MACF1: variants seen among roughly 807,000 people sequenced by gnomAD.
MACF1 encodes the protein microtubule actin crosslinking factor 1.
In MACF1, 193 loss-of-function variants were observed where a neutral mutation model predicts 854.8. That is an observed-to-expected ratio of 0.23 (90% CI 0.20 to 0.25). MACF1 has a LOEUF of 0.25. Among genes scored for constraint, MACF1 ranks in the 10% least tolerant of loss-of-function variants. The probability of loss-of-function intolerance (pLI) is 1.00; values close to 1 mark genes in which losing one functional copy is unlikely to be tolerated. For synonymous variants in MACF1, 3,185 were observed against 3,226.7 expected, an observed-to-expected ratio of 0.99 and a Z score of 0.44; for missense variants, 7,722 against 8,929.1, an observed-to-expected ratio of 0.86 and a Z score of 5.45.
chr1:39,440,908 A>G, intron 72 of MACF1, 95 bp from the exon 73 acceptor site: 2 of 1,223,310 alleles, frequency 1.6e-6, no homozygotes, highest in Admixed American at 1.8e-5. Flanking sequence ...TATGTTGAGC[A>G]TCTGCTATTG....
chr1:39,411,128 C>T lies in MACF1; in HGVS notation c.15817-11246C>T, dbSNP rs766596072. 46 of 1,613,500 alleles carry T rather than the reference C, an allele frequency of 2.9e-5. 1 individual carries two copies. The South Asian group carries it at 4.8e-4, about 17-fold the overall frequency. On this transcript the variant is annotated intron_variant, in intron 58 of 100. Coordinates refer to ENST00000564288, the MANE Select transcript of MACF1 (RefSeq NM_001394062.1). ...GACACAGCCTGCACTGTGGAAATGC[C>T]ACCTCTCTCCCCTTGCCTGAGTGAA...
intron 52 of MACF1, among the ~76,000 whole-genome samples, chr1:39,375,189 T>C (rs372011770): frequency 2.0e-5 from 3 of 152,304 alleles, no homozygotes; most frequent in East Asian, 3.8e-4. Flanking sequence ...TGTTATTTTA[T>C]AGCATTTATC....
chr1:39,303,670 G>A (rs945466), intron 23 of MACF1, among the ~76,000 whole-genome samples: 9,012 of 150,336 alleles, frequency 0.06, 346 homozygotes, highest in African/African-American at 0.11. Context: ...TGGCCAACAC[G>A]GTGAAACTCC....
At chr1:39,116,260 T>A (rs1207651801) in intron 2 of MACF1, among the ~76,000 whole-genome samples, 1 of 152,198 alleles carries the variant, frequency 6.6e-6, no homozygotes, top group Non-Finnish European at 1.5e-5. Flanking sequence ...TGCAGGTGAT[T>A]AAGTTGGTTG....
rs535443880 is a variant in MACF1, at chr1:39,305,469, C to T, written c.2789+2391C>T. Among the ~76,000 whole-genome samples, 4 of 152,022 alleles carry T rather than the reference C, an allele frequency of 2.6e-5. No homozygotes were observed. In the South Asian group the frequency reaches 8.3e-4, roughly 32 times the overall value. On this transcript the variant is annotated intron_variant, in intron 23 of 100. Transcript: ENST00000564288. ...CCACATTTCCAAATGTAATTTTTTC[C>T]TGCTATTTCCTTGTTTGTTTTCAAC...
rs112117961 is a variant in MACF1, at chr1:39,143,106, A to G, written c.220+58668A>G. ...CCCATCTCAGTCCAAATGGAATGGC[A>G]GATCAGGCTGATTGTGGTAGCCACA... On this transcript the variant is annotated intron_variant, in intron 2 of 93. Coordinates refer to the MACF1 transcript ENST00000361689. 5.7e-3 allele frequency among the ~76,000 whole-genome samples: 870 copies of G among 152,350 alleles called. 5 individuals carry two copies. The highest frequency in any genetic ancestry group is 0.02 in the Middle Eastern group (6 of 294).
At chr1:39,338,173 G>A (rs1337093558) in intron 38 of MACF1, among the ~76,000 whole-genome samples, 1 of 152,068 alleles carries the variant, frequency 6.6e-6, no homozygotes, top group Non-Finnish European at 1.5e-5. Flanking sequence ...AATGTTGGAG[G>A]CTTAAAACAG....
At chr1:39,127,873 T>G (rs1642899794) in intron 2 of MACF1, among the ~76,000 whole-genome samples, 1 of 152,220 alleles carries the variant, frequency 6.6e-6, no homozygotes, top group Non-Finnish European at 1.5e-5. Flanking sequence ...GTCCTAGTGA[T>G]TAAGAGGAAA....
chr1:39,310,378 T>G lies in MACF1; in HGVS notation c.3050T>G (p.Val1017Gly), dbSNP rs78818778. The part of the protein sequence containing the change: ...VADRLRLEEE[V>G]EACKARFQHL... ...GATCGCTTGCGCTTGGAAGAGGAGG[T>G]GGAAGCTTGTAAAGCCCGCTTCCAG... is the stretch of plus-strand genomic sequence containing the variant. The change falls in exon 25 of 101, where the codon GTG (valine) becomes GGG (glycine). Residue 1017 changes from valine to glycine, a missense_variant. Transcript: ENST00000564288. 3 of 1,614,008 alleles carry G rather than the reference T, an allele frequency of 1.9e-6. No individual in the cohort carries two copies. Among genetic ancestry groups the G allele is most frequent in the Non-Finnish European group, 2.5e-6 (3 of 1,179,978 alleles).
chr1:39,153,981 G>C (rs974857752), intron 2 of MACF1, among the ~76,000 whole-genome samples: 3 of 152,156 alleles, frequency 2.0e-5, no homozygotes, highest in Non-Finnish European at 4.4e-5. Flanking sequence ...AGACATTTTT[G>C]CTGTTTCCTG....
intron 58 of MACF1, among the ~76,000 whole-genome samples, chr1:39,419,291 A>G (rs1643441779): frequency 6.6e-6 from 1 of 152,254 alleles, no homozygotes; most frequent in Non-Finnish European, 1.5e-5. Context: ...AAATGAAGGA[A>G]TAGCTAATGC....
At chr1:39,260,257 T>G (rs951334736) in intron 6 of MACF1, 1 of 152,178 alleles carries the variant, frequency 6.6e-6, no homozygotes, top group Non-Finnish European at 1.5e-5. Context: ...TTTTTTTATA[T>G]TTTCTGTCCC....
At chr1:39,133,735 T>G (rs1005302556) in intron 2 of MACF1, among the ~76,000 whole-genome samples, 1 of 152,232 alleles carries the variant, frequency 6.6e-6, no homozygotes, top group African/African-American at 2.4e-5. Context: ...TATTTAAGAT[T>G]TACTACTTCC....
chr1:39,345,806 G>A (rs546419102), intron 40 of MACF1, among the ~76,000 whole-genome samples: 61 of 152,208 alleles, frequency 4.0e-4, no homozygotes, highest in African/African-American at 1.3e-3. Flanking sequence ...TGTGGCTCAC[G>A]CCTGTAATCT....
chr1:39,359,118 T>C, intron 46 of MACF1, 23 bp from the exon 47 acceptor site: 1 of 1,613,728 alleles, frequency 6.2e-7, no homozygotes, highest in Non-Finnish European at 8.5e-7. Flanking sequence ...TGTTTTTCTT[T>C]TGTTTTTTTC....
At chr1:39,312,545 T>C (rs1646321664) in intron 26 of MACF1, among the ~76,000 whole-genome samples, 1 of 152,052 alleles carries the variant, frequency 6.6e-6, no homozygotes, top group Non-Finnish European at 1.5e-5. Flanking sequence ...TTGATACGGG[T>C]TGAGTGTGGT....
At chr1:39,110,230 C>T (rs72660090) in intron 2 of MACF1, among the ~76,000 whole-genome samples, 123 of 84,542 alleles carry the variant, frequency 1.5e-3, no homozygotes, top group Middle Eastern at 0.013. Flanking sequence ...GGATGTTGTT[C>T]TTTTTTTTTT....
At position 39,295,804 on chromosome 1, in the gene MACF1, C is replaced by G. The variant is rs755103087; in HGVS notation, c.2277C>G (p.Val759=). The G allele has an allele frequency of 1.2e-6, 2 of 1,613,910 alleles. No individual in the cohort carries two copies. Among genetic ancestry groups the G allele is most frequent in the Admixed American group, 1.7e-5 (1 of 60,008 alleles). ...KQTVEAYSAA[V]QSQLQWMKQL... Reference sequence around the variant, plus strand: ...TATTGCAGGCTTACAGTGCTGCTGTCCAGTCCCAGTTGCAGTGGATGAAGC... The same window carrying G: ...TATTGCAGGCTTACAGTGCTGCTGTGCAGTCCCAGTTGCAGTGGATGAAGC... The change falls in exon 20 of 101, where the codon GTC becomes GTG. Residue 759 remains valine, a synonymous_variant. Coordinates refer to ENST00000564288, the MANE Select transcript of MACF1 (RefSeq NM_001394062.1).
intron 48 of MACF1, 101 bp downstream of exon 48, chr1:39,361,102 A>T (rs769350269): frequency 1.1e-4 from 102 of 964,812 alleles, no homozygotes; most frequent in Non-Finnish European, 1.5e-4. Context: ...AATATCTGTG[A>T]ATCATCTAAT....
Sources: allele counts gnomAD v4.1 joint callset (sites outside exome capture counted in the v4.1 genomes callset), GRCh38; gene constraint gnomAD v4.1.1; transcripts MANE v1.5; gene names NCBI Gene and HGNC (gene_info 2026-07-23, HGNC 2026-07-21).